SLC22A23: variants seen among roughly 807,000 people sequenced by gnomAD.
The protein encoded by SLC22A23 is solute carrier family 22 member 23.
Under a neutral mutation model 61.0 loss-of-function variants are expected in SLC22A23, and 26 were observed. The ratio of observed to expected loss-of-function variants is 0.43; its 90% CI spans 0.31 to 0.59. The LOEUF is 0.59. Among genes scored for constraint, SLC22A23 ranks in the 20% least tolerant of loss-of-function variants. The pLI, the probability that SLC22A23 is intolerant of heterozygous loss-of-function variation, is 0.11. For missense variants in SLC22A23, 796 were observed against 934.7 expected (o/e 0.85, Z 1.94); for synonymous variants, 430 against 413.9 (o/e 1.04, Z -0.47).
At chr6:3,385,955 G>C (rs1315760402) in intron 3 of SLC22A23, among the ~76,000 whole-genome samples, 1 of 152,110 alleles carries the variant, frequency 6.6e-6, no homozygotes, top group Non-Finnish European at 1.5e-5. Context: ...CCACAGAATA[G>C]CCTATTAGGC....
At chr6:3,383,792 C>T (rs557810145) in intron 3 of SLC22A23, among the ~76,000 whole-genome samples, 170 of 152,266 alleles carry the variant, frequency 1.1e-3, no homozygotes, top group Non-Finnish European at 2.0e-3. Flanking sequence ...TGGGGGCGGG[C>T]GACGGGGCTG....
intron 1 of SLC22A23, among the ~76,000 whole-genome samples, chr6:3,425,778 G>A (rs1770451258): frequency 6.6e-6 from 1 of 152,144 alleles, no homozygotes. Context: ...CACAGATGAA[G>A]AAACTGAGGC....
At chr6:3,280,646 C>T (rs12181510) in intron 9 of SLC22A23, among the ~76,000 whole-genome samples, 122,370 of 150,934 alleles carry the variant, frequency 0.81, 51,187 homozygotes, top group Non-Finnish European at 0.92. Context: ...CAGGCGCCCG[C>T]CACCACGCCC....
At chr6:3,445,092 T>G (rs1455412659) in intron 1 of SLC22A23, 14 of 484,394 alleles carry the variant, frequency 2.9e-5, no homozygotes, top group Non-Finnish European at 3.5e-5. Context: ...CAGGCAGCAC[T>G]GACCGCATTC....
chr6:3,409,516 C>A (rs934077639), intron 3 of SLC22A23, among the ~76,000 whole-genome samples: 4 of 152,208 alleles, frequency 2.6e-5, no homozygotes, highest in Non-Finnish European at 4.4e-5. Context: ...GATCTTTCCA[C>A]AAAGTGACTA....
chr6:3,342,976 C>T lies in SLC22A23; in HGVS notation c.914-18974G>A, dbSNP rs1355652969. Reference sequence around the variant, plus strand: ...TAGTGGGAAATGACAGAGAAATACACGGGGGAAATAATATAAGAGAAGGTT... The same window carrying T: ...TAGTGGGAAATGACAGAGAAATACATGGGGGAAATAATATAAGAGAAGGTT... On this transcript the variant is annotated intron_variant, in intron 3 of 9. Coordinates refer to ENST00000406686, the MANE Select transcript of SLC22A23 (RefSeq NM_015482.2). The surrounding 1 kb of genome is among the most constrained non-coding windows in gnomAD (Gnocchi z 4.0). Among the ~76,000 whole-genome samples the T allele has an allele frequency of 1.3e-5, 2 of 152,058 alleles. No homozygotes were observed. Among genetic ancestry groups the T allele is most frequent in the Admixed American group, 6.5e-5 (1 of 15,276 alleles).
At chr6:3,429,775 A>G (rs1770740180) in intron 1 of SLC22A23, among the ~76,000 whole-genome samples, 1 of 152,256 alleles carries the variant, frequency 6.6e-6, no homozygotes, top group Non-Finnish European at 1.5e-5. Flanking sequence ...CCTTGAAGAC[A>G]TGCTAAGTGA....
At chr6:3,435,355 G>GCT (rs1771136692) in intron 1 of SLC22A23, among the ~76,000 whole-genome samples, 1 of 148,222 alleles carries the variant, frequency 6.7e-6, no homozygotes, top group South Asian at 2.1e-4. Context: ...CACCATCCCT[G>GCT]CTCCCCTTCC....
chr6:3,422,648 T>G (rs1770221388), intron 1 of SLC22A23, among the ~76,000 whole-genome samples: 1 of 152,198 alleles, frequency 6.6e-6, no homozygotes, highest in Non-Finnish European at 1.5e-5. Context: ...CAATTAGAGT[T>G]GGCATTGGTG....
chr6:3,349,143 G>A (rs1190180430), intron 3 of SLC22A23, among the ~76,000 whole-genome samples: 1 of 152,208 alleles, frequency 6.6e-6, no homozygotes, highest in Non-Finnish European at 1.5e-5. Context: ...GCTTCCCACT[G>A]GGGCCAACTG....
At chr6:3,421,725 A>G (rs12196355) in intron 1 of SLC22A23, among the ~76,000 whole-genome samples, 10,346 of 152,326 alleles carry the variant, frequency 0.068, 461 homozygotes, top group South Asian at 0.15. Context: ...AAAATAATGT[A>G]AACTCCCACA....
intron 1 of SLC22A23, among the ~76,000 whole-genome samples, chr6:3,437,131 ACT>A (rs1214245851): frequency 6.6e-6 from 1 of 152,146 alleles, no homozygotes; most frequent in East Asian, 1.9e-4. Flanking sequence ...CTTATCTAAG[ACT>A]CTGCCCCAAA....
Position 3,269,601 on chromosome 6 carries a change from G to C in SLC22A23, c.*3454C>G, listed in dbSNP as rs75509775. On this transcript the variant is annotated 3_prime_UTR_variant, in exon 10 of 10. Coordinates refer to ENST00000406686, the MANE Select transcript of SLC22A23 (RefSeq NM_015482.2). Reference sequence around the variant, plus strand: ...TAAGCTTGTGCTATGAACGAGCACCGTCAGAGAATTCCCACCCACACGTAC... The same window carrying C: ...TAAGCTTGTGCTATGAACGAGCACCCTCAGAGAATTCCCACCCACACGTAC... 1 of 152,842 alleles carries C rather than the reference G, an allele frequency of 6.5e-6. No homozygotes were observed. The highest frequency in any genetic ancestry group is 2.1e-4 in the South Asian group (1 of 4,838). 9.5% of individuals were successfully genotyped at this position (152,842 alleles called of 1,614,324 possible). A position where few individuals can be genotyped will look rare whatever the true frequency, so the allele number is the denominator to read the frequency against.
At chr6:3,337,609 A>G (rs1763931120) in intron 3 of SLC22A23, among the ~76,000 whole-genome samples, 1 of 152,174 alleles carries the variant, frequency 6.6e-6, no homozygotes, top group South Asian at 2.1e-4. Flanking sequence ...TGGGAAGGTA[A>G]CAAGAGGCAA....
rs540994720 is a variant in SLC22A23, at chr6:3,329,661, G to C, written c.914-5659C>G. On this transcript the variant is annotated intron_variant, in intron 3 of 9. Coordinates refer to ENST00000406686, the MANE Select transcript of SLC22A23 (RefSeq NM_015482.2). This position sits in a 1 kb window ranked among gnomAD's most constrained non-coding sequence, Gnocchi z 4.8. ...AGCCTGTGTCCTTGCAGCCAAGGTA[G>C]GTAACGATCGTACCTACCACATGAG... 6.6e-6 allele frequency among the ~76,000 whole-genome samples: 1 copy of C among 152,306 alleles called. No individual in the cohort carries two copies. Among genetic ancestry groups the C allele is most frequent in the Non-Finnish European group, 1.5e-5 (1 of 68,028 alleles).
chr6:3,418,541 C>T (rs532960810), intron 1 of SLC22A23, among the ~76,000 whole-genome samples: 1 of 152,304 alleles, frequency 6.6e-6, no homozygotes, highest in East Asian at 1.9e-4. Flanking sequence ...AAAATGAACA[C>T]AGTGGAGGGA....
chr6:3,379,930 A>T (rs1766847168), intron 3 of SLC22A23, among the ~76,000 whole-genome samples: 1 of 152,268 alleles, frequency 6.6e-6, no homozygotes, highest in South Asian at 2.1e-4. Flanking sequence ...GATCAGTTTA[A>T]ATCTTTGGAG....
Position 3,410,064 on chromosome 6 carries a change from G to A in SLC22A23, c.913+124C>T. On this transcript the variant is annotated intron_variant, in intron 3 of 9. Transcript: ENST00000406686. The surrounding 1 kb of genome is among the most constrained non-coding windows in gnomAD (Gnocchi z 5.0). ...TTTCACAACACTTGAGGCCTTTAATGTTTGTGTTTCCACAAAACTGCCAGC... is the reference window on the plus strand; with the variant it reads ...TTTCACAACACTTGAGGCCTTTAATATTTGTGTTTCCACAAAACTGCCAGC... 8.9e-7 allele frequency: 1 copy of A among 1,118,018 alleles called. No individual in the cohort carries two copies. The highest frequency in any genetic ancestry group is 2.7e-5 in the East Asian group (1 of 37,652). The allele number at this position is 1,118,018 out of a possible 1,614,324, so 69.3% of individuals were successfully genotyped here. A position where few individuals can be genotyped will look rare whatever the true frequency, so the allele number is the denominator to read the frequency against.
At chr6:3,323,008 G>A (rs951438166) in intron 4 of SLC22A23, among the ~76,000 whole-genome samples, 7 of 152,042 alleles carry the variant, frequency 4.6e-5, no homozygotes, top group Non-Finnish European at 7.4e-5. Flanking sequence ...CTCTCTATCC[G>A]TGGAGCAGTG....
Sources: allele counts gnomAD v4.1 joint callset (sites outside exome capture counted in the v4.1 genomes callset), GRCh38; gene constraint gnomAD v4.1.1; non-coding constraint Gnocchi (gnomAD v3.1); transcripts MANE v1.5; gene names NCBI Gene and HGNC (gene_info 2026-07-23, HGNC 2026-07-21).